The following UBA6 variants were observed in gnomAD, a reference collection of about 807,000 sequenced individuals.
UBA6 encodes ubiquitin like modifier activating enzyme 6, also known as ubiquitin-like modifier-activating enzyme 6.
Under a neutral mutation model 148.3 loss-of-function variants are expected in UBA6, and 87 were observed. The ratio of observed to expected loss-of-function variants is 0.59; its 90% CI spans 0.49 to 0.70. UBA6 has a LOEUF of 0.70. Among genes scored for constraint, UBA6 ranks in the 30% least tolerant of loss-of-function variants. The pLI is 0.00. For missense variants in UBA6, 1,186 were observed against 1,241.2 expected, an observed-to-expected ratio of 0.96 and a Z score of 0.67; for synonymous variants, 376 against 401.0, an observed-to-expected ratio of 0.94 and a Z score of 0.75.
At chr4:67,679,795 A>T (rs910902756) in intron 4 of UBA6, among the ~76,000 whole-genome samples, 8 of 152,142 alleles carry the variant, frequency 5.3e-5, no homozygotes, top group Non-Finnish European at 1.2e-4. Flanking sequence ...TAAACCTGAA[A>T]ATCAGAAATT....
At chr4:67,631,987 G>A (rs1486313204) in intron 23 of UBA6, 79 bp from the exon 24 acceptor site, 8 of 1,340,168 alleles carry the variant, frequency 6.0e-6, no homozygotes, top group Non-Finnish European at 8.2e-6. Flanking sequence ...ATTAAAAAAT[G>A]TGTGTAGTAA....
chr4:67,631,735 G>C lies in UBA6; in HGVS notation c.2231C>G (p.Pro744Arg). 1 of 1,610,366 alleles carries C rather than the reference G, an allele frequency of 6.2e-7. No homozygotes were observed. Among genetic ancestry groups the C allele is most frequent in the Non-Finnish European group, 8.5e-7 (1 of 1,178,356 alleles). Residue 744 changes from proline to arginine, a missense_variant, in exon 25 of 33, where the codon CCA (proline) becomes CGA (arginine). Transcript: ENST00000322244. ...FWQSPKRPPS[P>R]IKFDLNEPLH... is the part of the protein sequence containing the mutation. Reference sequence around the variant, plus strand: ...AGGCTCATTTAAATCAAATTTTATTGGAGAGGGTGGCCTCTTTGGTGACTG... The same window carrying C: ...AGGCTCATTTAAATCAAATTTTATTCGAGAGGGTGGCCTCTTTGGTGACTG...
chr4:67,633,177 T>C (rs1729040877), intron 23 of UBA6, among the ~76,000 whole-genome samples, 168 bp downstream of exon 23: 1 of 152,224 alleles, frequency 6.6e-6, no homozygotes, highest in African/African-American at 2.4e-5. Flanking sequence ...TCTTCTATTC[T>C]GAACAAACTT....
At chr4:67,694,503 T>C (rs1028912043) in intron 2 of UBA6, among the ~76,000 whole-genome samples, 2 of 151,728 alleles carry the variant, frequency 1.3e-5, no homozygotes, top group East Asian at 3.9e-4. Context: ...GCCATTCTCC[T>C]GCCTCAGCCT....
intron 19 of UBA6, among the ~76,000 whole-genome samples, chr4:67,638,562 C>T (rs1326010475): frequency 2.6e-5 from 4 of 152,122 alleles, no homozygotes; most frequent in Admixed American, 6.5e-5. Context: ...GAAGGAGTTA[C>T]TCCTTCTATG....
chr4:67,669,402 C>CATGTGATGGAGA (rs1370361795), intron 8 of UBA6, among the ~76,000 whole-genome samples: 2 of 152,044 alleles, frequency 1.3e-5, no homozygotes, highest in Non-Finnish European at 2.9e-5. Context: ...TACTGGGTCT[C>CATGTGATGGAGA]CATCACCATG....
chr4:67,686,773 G>C (rs1486578958), intron 2 of UBA6, among the ~76,000 whole-genome samples: 1 of 151,504 alleles, frequency 6.6e-6, no homozygotes, highest in African/African-American at 2.4e-5. Flanking sequence ...GCAATACGGT[G>C]AGACACCCAC....
At chr4:67,641,618 A>C (rs1729308757) in intron 17 of UBA6, among the ~76,000 whole-genome samples, 1 of 152,184 alleles carries the variant, frequency 6.6e-6, no homozygotes, top group Non-Finnish European at 1.5e-5. Context: ...TATATGTATC[A>C]ATTTGAAAGG....
intron 10 of UBA6, 143 bp from the exon 11 acceptor site, chr4:67,664,090 T>C: frequency 1.9e-6 from 1 of 538,024 alleles, no homozygotes; most frequent in Non-Finnish European, 3.2e-6. Flanking sequence ...ATGTTTTAAC[T>C]GAAATATAAA....
intron 2 of UBA6, among the ~76,000 whole-genome samples, chr4:67,691,752 G>T (rs79924623): frequency 0.038 from 5,786 of 151,768 alleles, 211 homozygotes; most frequent in East Asian, 0.2. Context: ...AGCTATGGTT[G>T]CCTGACATTT....
chr4:67,656,296 A>C (rs1729690540), intron 13 of UBA6, among the ~76,000 whole-genome samples: 1 of 152,192 alleles, frequency 6.6e-6, no homozygotes, highest in South Asian at 2.1e-4. Context: ...ATACTGGCAA[A>C]CTGAATCCAG....
chr4:67,649,751 CAG>C (rs1379385910), intron 13 of UBA6, among the ~76,000 whole-genome samples: 1 of 152,036 alleles, frequency 6.6e-6, no homozygotes, highest in Non-Finnish European at 1.5e-5. Flanking sequence ...TATCTCAAAA[CAG>C]AACATTTTAA....
At chr4:67,699,838 A>C (rs1389828828) in intron 1 of UBA6, among the ~76,000 whole-genome samples, 1 of 152,162 alleles carries the variant, frequency 6.6e-6, no homozygotes, top group African/African-American at 2.4e-5. Context: ...TCCTGAGCTC[A>C]AGCGACCCGC....
Position 67,624,978 on chromosome 4 carries a change from G to A in UBA6, c.2712+16C>T. 5.1e-6 allele frequency: 8 copies of A among 1,554,606 alleles called. No homozygotes were observed. Among genetic ancestry groups the A allele is most frequent in the Non-Finnish European group, 7.0e-6 (8 of 1,139,030 alleles). On this transcript the variant is annotated intron_variant, in intron 29 of 32. Transcript: ENST00000322244. Reference sequence around the variant, plus strand: ...ATGAAAAAGGAGCATTTTTATTCAAGGAATAATAAACTTACCAAGCCAGAA... The same window carrying A: ...ATGAAAAAGGAGCATTTTTATTCAAAGAATAATAAACTTACCAAGCCAGAA...
chr4:67,665,470 G>GGGAA (rs1270073793), intron 9 of UBA6, among the ~76,000 whole-genome samples, 178 bp from the exon 10 acceptor site: 3 of 147,338 alleles, frequency 2.0e-5, no homozygotes, highest in African/African-American at 7.5e-5. Context: ...GAGGAGTGTG[G>GGGAA]GGAACTAGGC....
intron 2 of UBA6, among the ~76,000 whole-genome samples, chr4:67,696,336 GA>G (rs1289573506): frequency 6.6e-6 from 1 of 151,576 alleles, no homozygotes; most frequent in Non-Finnish European, 1.5e-5. Context: ...TCCGAATGTA[GA>G]TAAAAAAAAT....
In UBA6 at chr4:67,635,515, T is replaced by C. The variant is rs751280009; in HGVS notation, c.1780A>G (p.Met594Val). 8 of 1,613,100 alleles carry C rather than the reference T, an allele frequency of 5.0e-6. No homozygotes were observed. The highest frequency in any genetic ancestry group is 2.2e-5 in the South Asian group (2 of 91,042). ...ACTTCAGTGTGTCCCTTAGTGCCCA[T>C]TGTTCCAGAATCTAAAAGAGGCCTT... is the stretch of plus-strand genomic sequence containing the variant. ...NLRPLLDSGT[M>V]GTKGHTEVIV... is the part of the protein sequence containing the mutation. Residue 594 changes from methionine to valine, a missense_variant, in exon 20 of 33, where the codon ATG (methionine) becomes GTG (valine). Physicochemically the swap from Met to Val is conservative, Grantham distance 21. Coordinates refer to ENST00000322244, the MANE Select transcript of UBA6 (RefSeq NM_018227.6).
At chr4:67,675,740 AGAAAGAG>A (rs1207021171) in intron 6 of UBA6, among the ~76,000 whole-genome samples, 2 of 152,030 alleles carry the variant, frequency 1.3e-5, no homozygotes, top group East Asian at 1.9e-4. Flanking sequence ...GAAAGGAAAG[AGAAAGAG>A]GAAAGAGGAA....
intron 2 of UBA6, among the ~76,000 whole-genome samples, chr4:67,682,851 G>A (rs1474963377): frequency 1.3e-5 from 2 of 152,158 alleles, no homozygotes; most frequent in African/African-American, 2.4e-5. Flanking sequence ...GAATTCTTAT[G>A]AGAAACATTT....
Sources: allele counts gnomAD v4.1 joint callset (sites outside exome capture counted in the v4.1 genomes callset), GRCh38; gene constraint gnomAD v4.1.1; transcripts MANE v1.5; gene names NCBI Gene and HGNC (gene_info 2026-07-23, HGNC 2026-07-21).